ACVR1C: variants seen among roughly 807,000 people sequenced by gnomAD.
ACVR1C encodes the protein activin receptor type-1C.
A neutral mutation model predicts 57.9 loss-of-function variants in ACVR1C; 23 were observed. The ratio of observed to expected loss-of-function variants is 0.40; its 90% CI spans 0.29 to 0.56. The LOEUF is 0.56. Ranked by LOEUF, ACVR1C falls within the 20% of genes least tolerant of loss-of-function variation. The pLI is 0.50. For synonymous variants in ACVR1C, 214 were observed against 215.3 expected, an observed-to-expected ratio of 0.99 and a Z score of 0.05; for missense variants, 480 against 607.9, an observed-to-expected ratio of 0.79 and a Z score of 2.21.
At chr2:157,556,940 G>A (rs10211054) in intron 2 of ACVR1C, among the ~76,000 whole-genome samples, 6,528 of 152,158 alleles carry the variant, frequency 0.043, 234 homozygotes, top group African/African-American at 0.1. Context: ...TGGGATTACA[G>A]GCGTGAGCCA....
At chr2:157,592,755 G>A (rs1339680506) in intron 1 of ACVR1C, among the ~76,000 whole-genome samples, 1 of 152,052 alleles carries the variant, frequency 6.6e-6, no homozygotes, top group Non-Finnish European at 1.5e-5. Context: ...GTTGCCATTA[G>A]TGATTAGACA....
intron 1 of ACVR1C, among the ~76,000 whole-genome samples, chr2:157,605,448 C>G (rs1325690941): frequency 2.0e-5 from 3 of 151,652 alleles, no homozygotes; most frequent in African/African-American, 4.8e-5. Flanking sequence ...TTGACTGAAA[C>G]TTTGCAATCT....
intron 5 of ACVR1C, 64 bp from the exon 6 acceptor site, chr2:157,542,926 C>T (rs2105208220): frequency 6.7e-7 from 1 of 1,501,628 alleles, no homozygotes; most frequent in East Asian, 2.3e-5. Context: ...GAGAAATCAT[C>T]CTGAAGACTT....
chr2:157,540,274 A>G (rs2105205202), intron 7 of ACVR1C, among the ~76,000 whole-genome samples: 1 of 152,282 alleles, frequency 6.6e-6, no homozygotes, highest in Middle Eastern at 3.4e-3. Context: ...TTCTACCAGC[A>G]TTTAACTTTT....
chr2:157,542,657 T>C (rs777237519), intron 6 of ACVR1C, 49 bp downstream of exon 6: 28 of 1,576,346 alleles, frequency 1.8e-5, no homozygotes, highest in Non-Finnish European at 5.2e-6. Context: ...CATTCATGCT[T>C]ATTGGGCACT....
chr2:157,556,382 T>C lies in ACVR1C; in HGVS notation c.305-50A>G, dbSNP rs1558976436. 1.9e-6 allele frequency: 3 copies of C among 1,597,422 alleles called. No individual in the cohort carries two copies. The East Asian group carries it at 6.7e-5, about 36-fold the overall frequency. Reference sequence around the variant, plus strand: ...TGACCATAAATCAAACCATTTTAAGTATTTTTGGAATTGGAATTGCAATCA... The same window carrying C: ...TGACCATAAATCAAACCATTTTAAGCATTTTTGGAATTGGAATTGCAATCA... On this transcript the variant is annotated intron_variant, in intron 2 of 8. Transcript: ENST00000243349.
chr2:157,622,286 C>A (rs996415349), intron 1 of ACVR1C, among the ~76,000 whole-genome samples: 8 of 151,980 alleles, frequency 5.3e-5, no homozygotes, highest in African/African-American at 1.9e-4. Context: ...TATGGAACCA[C>A]AAGAGACCCA....
intron 1 of ACVR1C, among the ~76,000 whole-genome samples, chr2:157,627,141 A>G (rs1682914974): frequency 6.6e-6 from 1 of 152,194 alleles, no homozygotes; most frequent in South Asian, 2.1e-4. Flanking sequence ...TCCTCCAAAT[A>G]AAAAGAGTTG....
intron 7 of ACVR1C, among the ~76,000 whole-genome samples, chr2:157,540,487 A>G (rs4132018): frequency 6.6e-6 from 1 of 151,854 alleles, no homozygotes; most frequent in Non-Finnish European, 1.5e-5. Flanking sequence ...TAGTAGAGAC[A>G]GGTTTCTCCA....
chr2:157,628,715 G>T lies in ACVR1C; in HGVS notation c.-71C>A, dbSNP rs1410797593. On this transcript the variant is annotated 5_prime_UTR_variant, in exon 1 of 9. Coordinates refer to ENST00000243349, the MANE Select transcript of ACVR1C (RefSeq NM_145259.3). ...CGAGGCAGCCGGGGCAGCACGGCCC[G>T]CTTTGAAGTTCCCGGGCCGCGGGAG... 4 of 1,333,696 alleles carry T rather than the reference G, an allele frequency of 3.0e-6. No individual in the cohort carries two copies. Among genetic ancestry groups the T allele is most frequent in the East Asian group, 5.7e-5 (2 of 35,148 alleles). The allele number at this position is 1,333,696 out of a possible 1,614,324, so 82.6% of individuals were successfully genotyped here. A position where few individuals can be genotyped will look rare whatever the true frequency, so the allele number is the denominator to read the frequency against.
chr2:157,597,382 G>A (rs1682154860), intron 1 of ACVR1C: 1 of 985,482 alleles, frequency 1.0e-6, no homozygotes, highest in Non-Finnish European at 1.2e-6. Flanking sequence ...GTTGGAGCTC[G>A]GAGCCCTCCC....
chr2:157,543,281 T>A (rs1687665694), intron 5 of ACVR1C, among the ~76,000 whole-genome samples: 1 of 152,198 alleles, frequency 6.6e-6, no homozygotes, highest in Admixed American at 6.5e-5. Context: ...TCCTTGCAAC[T>A]CTTTTCTAAC....
chr2:157,602,601 T>G (rs969513178), intron 1 of ACVR1C, among the ~76,000 whole-genome samples: 5 of 152,130 alleles, frequency 3.3e-5, no homozygotes, highest in Non-Finnish European at 5.9e-5. Context: ...TCCATTAGAG[T>G]TATTATTCAC....
chr2:157,562,167 G>A lies in ACVR1C; in HGVS notation c.305-5835C>T, dbSNP rs143414186. On this transcript the variant is annotated intron_variant, in intron 2 of 8. Transcript: ENST00000243349. ...AAAAATTAGCCGGGCATGGTGGCGC[G>A]TGCCTCTAGTCAAGCTACTTGGGAG... Among the ~76,000 whole-genome samples, 384 of 151,780 alleles carry A rather than the reference G, an allele frequency of 2.5e-3. 1 individual carries two copies. Among genetic ancestry groups the A allele is most frequent in the Admixed American group, 3.9e-3 (60 of 15,238 alleles).
At position 157,532,732 on chromosome 2, in the gene ACVR1C, G is replaced by T. The variant is rs1296961210; in HGVS notation, c.*1186C>A. 1 of 152,054 alleles carries T rather than the reference G, an allele frequency of 6.6e-6. No homozygotes were observed. Among genetic ancestry groups the T allele is most frequent in the African/African-American group, 2.4e-5 (1 of 41,422 alleles). 9.4% of individuals were successfully genotyped at this position (152,054 alleles called of 1,614,324 possible). A position where few individuals can be genotyped will look rare whatever the true frequency, so the allele number is the denominator to read the frequency against. ...TGAAAGGGTAGAGGAATATCTATTT[G>T]CTGTTTCTGATACCGTCTGTAGGGT... On this transcript the variant is annotated 3_prime_UTR_variant, in exon 9 of 9. Transcript: ENST00000243349.
At chr2:157,624,912 C>T (rs1262895843) in intron 1 of ACVR1C, among the ~76,000 whole-genome samples, 1 of 152,114 alleles carries the variant, frequency 6.6e-6, no homozygotes, top group Non-Finnish European at 1.5e-5. Flanking sequence ...ACTTGTGTTC[C>T]ATGTCATACT....
At chr2:157,566,850 G>A in intron 2 of ACVR1C, among the ~76,000 whole-genome samples, 1 of 152,136 alleles carries the variant, frequency 6.6e-6, no homozygotes, top group Non-Finnish European at 1.5e-5. Flanking sequence ...AGCTCGAACT[G>A]GGTGGAGCCC....
At chr2:157,566,420 G>T (rs1482288214) in intron 2 of ACVR1C, among the ~76,000 whole-genome samples, 1 of 152,202 alleles carries the variant, frequency 6.6e-6, no homozygotes, top group Non-Finnish European at 1.5e-5. Flanking sequence ...CGCAGAAGAC[G>T]GGTGATTTCT....
At chr2:157,534,909 A>G (rs2105199391) in intron 8 of ACVR1C, among the ~76,000 whole-genome samples, 1 of 152,262 alleles carries the variant, frequency 6.6e-6, no homozygotes, top group South Asian at 2.1e-4. Flanking sequence ...TAATTCTAGC[A>G]CTTTGGTAGG....
Sources: gnomAD v4.1 joint callset for allele counts (sites outside exome capture counted in the v4.1 genomes callset) on GRCh38, gnomAD v4.1.1 for gene constraint, MANE v1.5 for transcripts, NCBI Gene and HGNC (gene_info 2026-07-23, HGNC 2026-07-21) for gene names.